Variants in SNTB2 observed in about 807,000 individuals in gnomAD.
The protein encoded by SNTB2 is beta-2-syntrophin.
A neutral mutation model predicts 46.2 loss-of-function variants in SNTB2; 34 were observed. The ratio of observed to expected loss-of-function variants is 0.74; its 90% CI spans 0.56 to 0.98. The LOEUF (loss-of-function observed/expected upper bound fraction) is 0.98, where lower values mean the gene tolerates loss of function less well. Among genes scored for constraint, SNTB2 ranks in the 50% least tolerant of loss-of-function variants. The pLI is 0.00. For missense variants in SNTB2, 603 were observed against 731.4 expected (o/e 0.82, Z 2.02); for synonymous variants, 290 against 312.6 (o/e 0.93, Z 0.76).
chr16:69,216,643 C>T (rs1334409753), intron 1 of SNTB2, among the ~76,000 whole-genome samples: 1 of 151,848 alleles, frequency 6.6e-6, no homozygotes, highest in Non-Finnish European at 1.5e-5. Context: ...TGTGATTGCA[C>T]CATTGTACTC....
intron 1 of SNTB2, among the ~76,000 whole-genome samples, chr16:69,214,727 A>G (rs933733544): frequency 6.5e-4 from 98 of 151,864 alleles, no homozygotes; most frequent in African/African-American, 2.2e-3. Flanking sequence ...GGGTTTCACC[A>G]TGTTGGCCAG....
At chr16:69,236,031 T>G (rs1182231507) in intron 1 of SNTB2, among the ~76,000 whole-genome samples, 2 of 152,082 alleles carry the variant, frequency 1.3e-5, no homozygotes, top group Admixed American at 1.3e-4. Flanking sequence ...CACATGGAAG[T>G]GAAGAAGTGA....
chr16:69,214,857 A>G (rs1004016145), intron 1 of SNTB2, among the ~76,000 whole-genome samples: 2 of 143,964 alleles, frequency 1.4e-5, no homozygotes, highest in African/African-American at 5.2e-5. Context: ...ATTTAATTTA[A>G]TTTTGACATA....
intron 1 of SNTB2, among the ~76,000 whole-genome samples, chr16:69,206,839 C>G (rs1409379215): frequency 6.6e-6 from 1 of 151,788 alleles, no homozygotes; most frequent in Non-Finnish European, 1.5e-5. Context: ...AATCTCAGCT[C>G]ACTGCAACCT....
At position 69,305,107 on chromosome 16, in the gene SNTB2, T is replaced by C. The variant is rs1032839274; in HGVS notation, c.*4183T>C. The C allele has an allele frequency of 3.9e-5, 6 of 152,426 alleles. No homozygotes were observed. Among genetic ancestry groups the C allele is most frequent in the Admixed American group, 3.9e-4 (6 of 15,280 alleles). The allele number at this position is 152,426 out of a possible 1,614,324, so 9.4% of individuals were successfully genotyped here. The stretch of plus-strand genomic sequence containing the variant: ...GGTTATAATAGATTCTTTTTTTTAA[T>C]TTTGTGAGAAATTCCAGGTCTTCTT... On this transcript the variant is annotated 3_prime_UTR_variant, in exon 7 of 7. Coordinates refer to ENST00000336278, the MANE Select transcript of SNTB2 (RefSeq NM_006750.4).
At chr16:69,210,545 G>T (rs1235187545) in intron 1 of SNTB2, among the ~76,000 whole-genome samples, 3 of 150,982 alleles carry the variant, frequency 2.0e-5, no homozygotes, top group Non-Finnish European at 4.4e-5. Context: ...GCCATATTAT[G>T]TTTTTAGAGA....
chr16:69,255,189 C>T (rs910394190), intron 2 of SNTB2, among the ~76,000 whole-genome samples: 3 of 152,074 alleles, frequency 2.0e-5, no homozygotes, highest in African/African-American at 7.2e-5. Flanking sequence ...CCTCGAACTC[C>T]TGTGCTCAAG....
intron 2 of SNTB2, among the ~76,000 whole-genome samples, chr16:69,257,596 C>T (rs1567408701): frequency 6.6e-6 from 1 of 152,040 alleles, no homozygotes; most frequent in Non-Finnish European, 1.5e-5. Flanking sequence ...CAGGCGCCCA[C>T]CACCACGCCC....
intron 1 of SNTB2, among the ~76,000 whole-genome samples, chr16:69,196,523 C>T (rs1238053786): frequency 4.6e-5 from 7 of 151,830 alleles, no homozygotes; most frequent in South Asian, 2.1e-4. Flanking sequence ...TACAGACACG[C>T]GCTACCATGC....
chr16:69,215,651 C>T (rs899313108), intron 1 of SNTB2, among the ~76,000 whole-genome samples: 14 of 152,092 alleles, frequency 9.2e-5, no homozygotes, highest in Admixed American at 9.2e-4. Flanking sequence ...TTTTTCTGGC[C>T]TTTATGATGT....
chr16:69,281,774 C>T (rs1445884443), intron 4 of SNTB2, among the ~76,000 whole-genome samples: 2 of 150,756 alleles, frequency 1.3e-5, no homozygotes, highest in African/African-American at 2.4e-5. Context: ...ACCCAGGAAG[C>T]GGAGGTTGCA....
At position 69,260,564 on chromosome 16, in the gene SNTB2, AG is replaced by A. The variant is rs573974710; in HGVS notation, c.1005+307del. 3.9e-5 allele frequency among the ~76,000 whole-genome samples: 6 copies of A among 152,368 alleles called. No individual in the cohort carries two copies. The East Asian group carries it at 1.2e-3, about 29-fold the overall frequency. ...AGGATAATTTTCATGATTTTAGATC[AG>A]GGTCAGCTAACTTTTTCTGTAAAGG... On this transcript the variant is annotated intron_variant, in intron 3 of 6. Transcript: ENST00000336278.
chr16:69,243,075 C>T (rs193010357), intron 1 of SNTB2, among the ~76,000 whole-genome samples: 1 of 149,750 alleles, frequency 6.7e-6, no homozygotes, highest in Admixed American at 6.6e-5. Context: ...AAATTAGCTT[C>T]AGCATCTGAA....
At chr16:69,202,894 A>AT (rs941997485) in intron 1 of SNTB2, among the ~76,000 whole-genome samples, 4 of 151,406 alleles carry the variant, frequency 2.6e-5, no homozygotes, top group African/African-American at 9.7e-5. Context: ...TAAATTTTGT[A>AT]TTTTTTGTAG....
At chr16:69,242,310 C>T (rs895020449) in intron 1 of SNTB2, among the ~76,000 whole-genome samples, 1 of 151,992 alleles carries the variant, frequency 6.6e-6, no homozygotes, top group Non-Finnish European at 1.5e-5. Context: ...CCTATAGTTG[C>T]AGCTACTCAG....
rs1190566330 is a variant in SNTB2, at chr16:69,299,595, A to G, written c.1351A>G (p.Met451Val). The G allele has an allele frequency of 1.2e-6, 2 of 1,613,324 alleles. No individual in the cohort carries two copies. The highest frequency in any genetic ancestry group is 1.7e-5 in the Admixed American group (1 of 59,754). The change falls in exon 6 of 7, where the codon ATG becomes GTG. Residue 451 changes from methionine to valine, a missense_variant. This residue lies in a region of SNTB2 where 537 missense variants were observed against 692.4 expected (regional missense o/e 0.78). Transcript: ENST00000336278. ...ELIKEVSLGC[M>V]LNGQEVRLTI... ...TTTTTGCTTTTCTTCAACAGGCTGC[A>G]TGTTAAATGGCCAAGAGGTGAGGCT...
At chr16:69,194,122 C>T (rs751159157) in intron 1 of SNTB2, among the ~76,000 whole-genome samples, 1 of 152,062 alleles carries the variant, frequency 6.6e-6, no homozygotes, top group African/African-American at 2.4e-5. Flanking sequence ...GCCTAGAGTG[C>T]CATATGTGGA....
At chr16:69,202,002 GT>G (rs1214474580) in intron 1 of SNTB2, among the ~76,000 whole-genome samples, 3 of 152,086 alleles carry the variant, frequency 2.0e-5, no homozygotes, top group Non-Finnish European at 4.4e-5. Context: ...CATTCTCCTT[GT>G]TTACACCTGA....
At chr16:69,262,922 C>A (rs944318364) in intron 3 of SNTB2, among the ~76,000 whole-genome samples, 1 of 151,932 alleles carries the variant, frequency 6.6e-6, no homozygotes, top group Non-Finnish European at 1.5e-5. Context: ...GTCATCCACC[C>A]GCCTCAGCCT....
Sources: gnomAD v4.1 joint callset for allele counts (sites outside exome capture counted in the v4.1 genomes callset) on GRCh38, gnomAD v4.1.1 for gene constraint, gnomAD v4.1.1 regional missense constraint, MANE v1.5 for transcripts, NCBI Gene and HGNC (gene_info 2026-07-23, HGNC 2026-07-21) for gene names.